ABI3BP: variants seen among roughly 807,000 people sequenced by gnomAD.
ABI3BP encodes the protein target of Nesh-SH3.
In ABI3BP, 216 loss-of-function variants were observed where a neutral mutation model predicts 268.6. The ratio of observed to expected loss-of-function variants is 0.80; its 90% CI spans 0.72 to 0.90. ABI3BP has a LOEUF of 0.90. ABI3BP is among the 40% of genes least tolerant of loss of function. ABI3BP has a pLI of 0.00. For synonymous variants in ABI3BP, 730 were observed against 730.0 expected (o/e 1.00, Z 0.00); for missense variants, 2,090 against 2,182.4 (o/e 0.96, Z 0.84).
chr3:100,961,383 G>A (rs1212059585), intron 1 of ABI3BP, among the ~76,000 whole-genome samples: 2 of 152,210 alleles, frequency 1.3e-5, no homozygotes, highest in African/African-American at 4.8e-5. Flanking sequence ...TCACTGCAGA[G>A]TGGAGTGAGG....
At chr3:100,757,089 TGAG>T (rs1480177664) in intron 63 of ABI3BP, among the ~76,000 whole-genome samples, 1 of 151,868 alleles carries the variant, frequency 6.6e-6, no homozygotes, top group Non-Finnish European at 1.5e-5. Context: ...AAGATAAAGT[TGAG>T]GACATTTCAC....
chr3:100,907,796 C>T (rs150530923), intron 2 of ABI3BP, among the ~76,000 whole-genome samples: 1 of 152,014 alleles, frequency 6.6e-6, no homozygotes, highest in Admixed American at 6.6e-5. Flanking sequence ...TTACCACATA[C>T]AGTTTATCCC....
intron 19 of ABI3BP, 82 bp downstream of exon 19, chr3:100,847,520 C>G: frequency 8.5e-7 from 1 of 1,182,112 alleles, no homozygotes; most frequent in Middle Eastern, 1.9e-4. Flanking sequence ...TAACAGGTAA[C>G]AGACATTACA....
At chr3:100,894,847 G>A (rs2153455448) in intron 4 of ABI3BP, among the ~76,000 whole-genome samples, 1 of 149,596 alleles carries the variant, frequency 6.7e-6, no homozygotes, top group Non-Finnish European at 1.5e-5. Context: ...GCTGAGGCAG[G>A]AGAATGGCGT....
At position 100,825,823 on chromosome 3, in the gene ABI3BP, G is replaced by T; in HGVS notation, c.2624C>A (p.Pro875His). 1.3e-6 allele frequency: 2 copies of T among 1,535,538 alleles called. No homozygotes were observed. The highest frequency in any genetic ancestry group is 1.7e-6 in the Non-Finnish European group (2 of 1,146,408). The change falls in exon 35 of 68, where the codon CCT (proline) becomes CAT (histidine). Residue 875 changes from proline to histidine, a missense_variant. Coordinates refer to ENST00000471714, the MANE Select transcript of ABI3BP (RefSeq NM_001375547.2). ...TTFVPVTDLE[P>H]VTFRTEIPAT... is the part of the protein sequence containing the mutation. ...AGGGATCTCAGTTCTAAAAGTAACAGGCTCGAGGTCTGTAACAGGAACTGA... is the reference window on the plus strand; with the variant it reads ...AGGGATCTCAGTTCTAAAAGTAACATGCTCGAGGTCTGTAACAGGAACTGA...
In ABI3BP at chr3:100,750,084, A is replaced by C; in HGVS notation, c.*411T>G. The C allele has an allele frequency of 8.3e-6, 2 of 241,118 alleles. No homozygotes were observed. The highest frequency in any genetic ancestry group is 7.8e-6 in the Non-Finnish European group (1 of 127,560). The allele number at this position is 241,118 out of a possible 1,614,324, so 14.9% of individuals were successfully genotyped here. A position where few individuals can be genotyped will look rare whatever the true frequency, so the allele number is the denominator to read the frequency against. On this transcript the variant is annotated 3_prime_UTR_variant, in exon 68 of 68. Transcript: ENST00000471714. ...ATCCAATAAGTTAAACTAAGTAGAG[A>C]TTTATGGAATTAACTCATCAATAGG...
At chr3:100,766,983 C>T (rs1251767228) in intron 62 of ABI3BP, among the ~76,000 whole-genome samples, 1 of 152,126 alleles carries the variant, frequency 6.6e-6, no homozygotes, top group African/African-American at 2.4e-5. Context: ...CCCAGATAGA[C>T]CCCAATTCAC....
At chr3:100,890,984 CT>C (rs35008478) in intron 4 of ABI3BP, among the ~76,000 whole-genome samples, 179 of 143,688 alleles carry the variant, frequency 1.2e-3, no homozygotes, top group East Asian at 2.4e-3. Context: ...AACTGGTCAA[CT>C]TTTTTTTTTT....
chr3:100,927,776 C>A (rs2062280037), intron 1 of ABI3BP, among the ~76,000 whole-genome samples: 1 of 152,088 alleles, frequency 6.6e-6, no homozygotes, highest in Admixed American at 6.6e-5. Flanking sequence ...GATTACAATT[C>A]AACATGAGAT....
At chr3:100,822,471 T>C (rs982718372) in intron 38 of ABI3BP, 118 bp downstream of exon 38, 2 of 799,872 alleles carry the variant, frequency 2.5e-6, no homozygotes, top group Non-Finnish European at 4.0e-6. Flanking sequence ...CTGCTAACCA[T>C]GAGTTGTAGC....
At chr3:100,776,459 G>A (rs2096708736) in intron 59 of ABI3BP, among the ~76,000 whole-genome samples, 1 of 152,234 alleles carries the variant, frequency 6.6e-6, no homozygotes, top group African/African-American at 2.4e-5. Context: ...ATTCTGGTGA[G>A]GAGAGTGGGA....
intron 6 of ABI3BP, among the ~76,000 whole-genome samples, chr3:100,879,895 C>T (rs551253384): frequency 3.9e-5 from 6 of 152,288 alleles, no homozygotes; most frequent in Admixed American, 1.3e-4. Flanking sequence ...TCTCTGCCAA[C>T]ACCTCTACAA....
intron 2 of ABI3BP, among the ~76,000 whole-genome samples, chr3:100,905,511 G>A (rs1048981300): frequency 5.5e-5 from 8 of 145,564 alleles, no homozygotes; most frequent in Non-Finnish European, 9.0e-5. Flanking sequence ...AAGGAAAAAA[G>A]GGAAAGATAA....
intron 1 of ABI3BP, among the ~76,000 whole-genome samples, chr3:100,989,200 T>G (rs768600836): frequency 4.6e-5 from 7 of 152,194 alleles, no homozygotes; most frequent in South Asian, 2.1e-4. Flanking sequence ...GCCAGCACTT[T>G]GATCATGGAC....
Position 100,812,561 on chromosome 3 carries a change from T to C in ABI3BP, c.3365-38A>G, listed in dbSNP as rs1022659084. The stretch of plus-strand genomic sequence containing the variant: ...AGAAAATGGTACAATTGATAAAGGA[T>C]AGGTTGTAAGTATTTATAAAAGTGC... On this transcript the variant is annotated intron_variant, in intron 45 of 67. Coordinates refer to ENST00000471714, the MANE Select transcript of ABI3BP (RefSeq NM_001375547.2). The C allele has an allele frequency of 3.9e-5, 49 of 1,268,092 alleles. 1 individual carries two copies. The Admixed American group carries it at 4.8e-4, about 12-fold the overall frequency. The allele number at this position is 1,268,092 out of a possible 1,614,324, so 78.6% of individuals were successfully genotyped here.
Position 100,918,307 on chromosome 3 carries a change from T to C in ABI3BP, c.259+7995A>G, listed in dbSNP as rs555484582. On this transcript the variant is annotated intron_variant, in intron 2 of 67. Coordinates refer to ENST00000471714, the MANE Select transcript of ABI3BP (RefSeq NM_001375547.2). Reference sequence around the variant, plus strand: ...GTCCACCCATCCACCCATCCACCCATCCACCCGTCCACCTGTCCACCCGTC... The same window carrying C: ...GTCCACCCATCCACCCATCCACCCACCCACCCGTCCACCTGTCCACCCGTC... Among the ~76,000 whole-genome samples, 102 of 149,660 alleles carry C rather than the reference T, an allele frequency of 6.8e-4. 1 individual carries two copies. In the Middle Eastern group the frequency reaches 0.021, roughly 30 times the overall value.
At chr3:100,837,078 G>T in intron 27 of ABI3BP, 46 bp downstream of exon 27, 1 of 1,465,286 alleles carries the variant, frequency 6.8e-7, no homozygotes, top group Non-Finnish European at 9.1e-7. Flanking sequence ...GATGAGAGGC[G>T]CAAGCTCAGA....
intron 1 of ABI3BP, among the ~76,000 whole-genome samples, chr3:100,944,889 C>A (rs553052372): frequency 6.6e-6 from 1 of 152,228 alleles, no homozygotes; most frequent in South Asian, 2.1e-4. Flanking sequence ...TGTCAGGAGG[C>A]TCTAAGAAAG....
intron 1 of ABI3BP, among the ~76,000 whole-genome samples, chr3:100,939,831 C>T (rs1410817738): frequency 2.0e-5 from 3 of 151,996 alleles, no homozygotes; most frequent in Admixed American, 2.0e-4. Flanking sequence ...CTGTGGGAGA[C>T]TGGGGTCTAT....
Sources: allele counts gnomAD v4.1 joint callset (sites outside exome capture counted in the v4.1 genomes callset), GRCh38; gene constraint gnomAD v4.1.1; transcripts MANE v1.5; gene names NCBI Gene and HGNC (gene_info 2026-07-23, HGNC 2026-07-21).